NBAS: variants seen among roughly 807,000 people sequenced by gnomAD.
The protein encoded by NBAS is NAG/BC035112 fusion.
In NBAS, 219 loss-of-function variants were observed where a neutral mutation model predicts 302.5. The observed-to-expected ratio is 0.72, with a 90% CI of 0.65 to 0.81. The LOEUF (loss-of-function observed/expected upper bound fraction) is 0.81. NBAS is among the 30% of genes least tolerant of loss of function. NBAS has a pLI of 0.00. For missense variants in NBAS, 2,932 were observed against 2,841.6 expected, an observed-to-expected ratio of 1.03 and a Z score of -0.72; for synonymous variants, 1,118 against 1,021.6, an observed-to-expected ratio of 1.09 and a Z score of -1.80.
chr2:15,383,154 A>G (rs933527287), intron 29 of NBAS, 61 bp downstream of exon 29: 5 of 1,392,336 alleles, frequency 3.6e-6, no homozygotes, highest in Non-Finnish European at 4.0e-6. Flanking sequence ...CTTGTATCCA[A>G]TAAACCATAA....
chr2:15,520,987 T>C (rs963352013), intron 9 of NBAS, among the ~76,000 whole-genome samples: 1 of 152,258 alleles, frequency 6.6e-6, no homozygotes, highest in African/African-American at 2.4e-5. Context: ...TATAAGTATC[T>C]GGTCATCAGT....
intron 32 of NBAS, among the ~76,000 whole-genome samples, chr2:15,360,881 TA>T (rs1460618005): frequency 4.6e-5 from 7 of 152,134 alleles, no homozygotes; most frequent in Admixed American, 1.3e-4. Context: ...GAGGCTATTT[TA>T]AAGTTAACTT....
At chr2:15,086,669 T>C in the NBAS span, among the ~76,000 whole-genome samples, 1 of 152,176 alleles carries the variant, frequency 6.6e-6, no homozygotes, top group African/African-American at 2.4e-5. Flanking sequence ...GGAAGCTGCT[T>C]GCAGTGCTCC....
At chr2:14,900,375 T>G in the NBAS span, among the ~76,000 whole-genome samples, 11 of 152,292 alleles carry the variant, frequency 7.2e-5, no homozygotes, top group African/African-American at 2.6e-4. Flanking sequence ...AAAGGCTTAC[T>G]CTGTTCCAAG....
intron 25 of NBAS, among the ~76,000 whole-genome samples, chr2:15,408,289 C>T (rs182390691): frequency 3.5e-4 from 54 of 152,344 alleles, no homozygotes; most frequent in Non-Finnish European, 7.5e-4. Flanking sequence ...CCTCATCCAA[C>T]ACCTGAACAA....
At chr2:14,858,182 G>C in the NBAS span, among the ~76,000 whole-genome samples, 1 of 152,044 alleles carries the variant, frequency 6.6e-6, no homozygotes, top group South Asian at 2.1e-4. Context: ...TACTGGTGAA[G>C]AGAAAGGGAA....
Position 15,379,811 on chromosome 2 carries a change from C to T in NBAS, c.3381G>A (p.Leu1127=), listed in dbSNP as rs781744724. The T allele has an allele frequency of 3.7e-6, 6 of 1,613,956 alleles. No individual in the cohort carries two copies. Among genetic ancestry groups the T allele is most frequent in the Non-Finnish European group, 5.1e-6 (6 of 1,179,952 alleles). ...GGATGTTTTCAAGGCGACTAGAGCACAGAAGGCTTTCTGTAAATATCTGGA... is the reference window on the plus strand; with the variant it reads ...GGATGTTTTCAAGGCGACTAGAGCATAGAAGGCTTTCTGTAAATATCTGGA... The part of the protein sequence containing the change: ...ACYEIFTESL[L]CSSRLENIHL... Residue 1127 remains leucine, a synonymous_variant, in exon 30 of 52, where the codon CTG becomes CTA. Coordinates refer to ENST00000281513, the MANE Select transcript of NBAS (RefSeq NM_015909.4).
At chr2:14,788,669 T>C in the NBAS span, among the ~76,000 whole-genome samples, 1 of 152,312 alleles carries the variant, frequency 6.6e-6, no homozygotes, top group East Asian at 1.9e-4. Flanking sequence ...TGCTGTCTGA[T>C]CGTTCCTCTG....
chr2:15,473,080 T>C lies in NBAS; in HGVS notation c.1725+142A>G, dbSNP rs898084176. 4 of 953,788 alleles carry C rather than the reference T, an allele frequency of 4.2e-6. No individual in the cohort carries two copies. In the African/African-American group the frequency reaches 5.0e-5, roughly 12 times the overall value. 59.1% of individuals were successfully genotyped at this position (953,788 alleles called of 1,614,324 possible). On this transcript the variant is annotated intron_variant, in intron 16 of 51. Coordinates refer to ENST00000281513, the MANE Select transcript of NBAS (RefSeq NM_015909.4). Reference sequence around the variant, plus strand: ...GCAATAAAATCTAACAAAAAGACCATTTTTCCAGCTGAGAAAATTGTACTT... The same window carrying C: ...GCAATAAAATCTAACAAAAAGACCACTTTTCCAGCTGAGAAAATTGTACTT...
the NBAS span, among the ~76,000 whole-genome samples, chr2:15,075,760 T>TACAC: frequency 0.21 from 31,908 of 149,972 alleles, 3,951 homozygotes; most frequent in African/African-American, 0.35. Flanking sequence ...CCAAAATTTA[T>TACAC]ACACACACAC....
chr2:14,999,337 G>A, the NBAS span, among the ~76,000 whole-genome samples: 53 of 152,004 alleles, frequency 3.5e-4, no homozygotes, highest in Non-Finnish European at 5.9e-4. Context: ...TAGAAGGACC[G>A]CTTGAGCCTA....
chr2:14,976,781 T>A, the NBAS span, among the ~76,000 whole-genome samples: 10 of 152,020 alleles, frequency 6.6e-5, no homozygotes, highest in African/African-American at 2.4e-4. Context: ...GAGAAAACCA[T>A]GTGAAGATGA....
chr2:15,347,526 T>A (rs1490427881), intron 35 of NBAS, among the ~76,000 whole-genome samples: 2 of 152,228 alleles, frequency 1.3e-5, no homozygotes, highest in African/African-American at 4.8e-5. Flanking sequence ...AGCTCTATAC[T>A]TAGCCCATGC....
the NBAS span, among the ~76,000 whole-genome samples, chr2:15,140,192 G>T: frequency 6.6e-6 from 1 of 152,136 alleles, no homozygotes; most frequent in African/African-American, 2.4e-5. Flanking sequence ...TGAATAGCCC[G>T]CCTCAACCGT....
At position 15,330,770 on chromosome 2, in the gene NBAS, A is replaced by G; in HGVS notation, c.4180-5T>C. 6.2e-7 allele frequency: 1 copy of G among 1,613,608 alleles called. No homozygotes were observed. The highest frequency in any genetic ancestry group is 2.2e-5 in the East Asian group (1 of 44,856). On this transcript the variant is annotated splice_region_variant and splice_polypyrimidine_tract_variant and intron_variant, in intron 35 of 51. Coordinates refer to ENST00000281513, the MANE Select transcript of NBAS (RefSeq NM_015909.4). Reference sequence around the variant, plus strand: ...ACCTGGAACACCTACTTCATCCTGTATTAAAGAAACAAAATAGCAAGGGCA... The same window carrying G: ...ACCTGGAACACCTACTTCATCCTGTGTTAAAGAAACAAAATAGCAAGGGCA...
At chr2:15,111,323 C>T in the NBAS span, among the ~76,000 whole-genome samples, 1 of 152,170 alleles carries the variant, frequency 6.6e-6, no homozygotes, top group East Asian at 1.9e-4. Flanking sequence ...ACCTCTACAA[C>T]AAAACTAGGT....
chr2:14,974,674 G>C, the NBAS span, among the ~76,000 whole-genome samples: 1 of 152,130 alleles, frequency 6.6e-6, no homozygotes, highest in Non-Finnish European at 1.5e-5. Flanking sequence ...GAGAAGACTG[G>C]GTGACATTCC....
intron 42 of NBAS, among the ~76,000 whole-genome samples, chr2:15,279,146 T>A (rs566263114): frequency 6.6e-6 from 1 of 152,212 alleles, no homozygotes; most frequent in East Asian, 1.9e-4. Flanking sequence ...ATAAAAGGAA[T>A]CTTATTGACA....
intron 43 of NBAS, 143 bp downstream of exon 43, chr2:15,276,708 A>G: frequency 8.1e-7 from 1 of 1,228,770 alleles, no homozygotes; most frequent in Non-Finnish European, 1.2e-6. Flanking sequence ...AGTTGGAAAG[A>G]TAATAACTAA....
Sources: allele counts gnomAD v4.1 joint callset (sites outside exome capture counted in the v4.1 genomes callset), GRCh38; gene constraint gnomAD v4.1.1; transcripts MANE v1.5; gene names NCBI Gene and HGNC (gene_info 2026-07-23, HGNC 2026-07-21).